RIPOR2: variants seen among roughly 807,000 people sequenced by gnomAD.
The protein encoded by RIPOR2 is rho family-interacting cell polarization regulator 2.
Under a neutral mutation model 114.5 loss-of-function variants are expected in RIPOR2, and 39 were observed. That is an observed-to-expected ratio of 0.34 (90% CI 0.26 to 0.44). The LOEUF (loss-of-function observed/expected upper bound fraction) is 0.44, where lower values mean the gene tolerates loss of function less well. Among genes scored for constraint, RIPOR2 ranks in the 20% least tolerant of loss-of-function variants. RIPOR2 has a pLI of 1.00. For missense variants in RIPOR2, 1,007 were observed against 1,255.1 expected, an observed-to-expected ratio of 0.80 and a Z score of 2.99; for synonymous variants, 445 against 484.4, an observed-to-expected ratio of 0.92 and a Z score of 1.07.
At chr6:24,997,916 C>T (rs899452933) in intron 1 of RIPOR2, among the ~76,000 whole-genome samples, 3 of 152,162 alleles carry the variant, frequency 2.0e-5, no homozygotes, top group Non-Finnish European at 4.4e-5. Context: ...AACTTTGCTT[C>T]GGTAAGTCCT....
chr6:24,929,132 T>C (rs1023863447), intron 1 of RIPOR2: 1 of 152,160 alleles, frequency 6.6e-6, no homozygotes, highest in African/African-American at 2.4e-5. Flanking sequence ...GGCTTTTGAT[T>C]GCTATCACAG....
chr6:24,852,219 G>A (rs1763027990), intron 9 of RIPOR2, among the ~76,000 whole-genome samples: 1 of 152,148 alleles, frequency 6.6e-6, no homozygotes, highest in South Asian at 2.1e-4. Flanking sequence ...CTGAGATCAT[G>A]CCACTGCACT....
intron 1 of RIPOR2, among the ~76,000 whole-genome samples, chr6:24,889,501 A>G (rs1415464812): frequency 6.6e-6 from 1 of 152,238 alleles, no homozygotes; most frequent in Non-Finnish European, 1.5e-5. Flanking sequence ...AAGGAAATTC[A>G]TAACACATAA....
intron 1 of RIPOR2, among the ~76,000 whole-genome samples, chr6:24,976,213 T>G (rs528097638): frequency 6.6e-6 from 1 of 152,306 alleles, no homozygotes; most frequent in East Asian, 1.9e-4. Flanking sequence ...TGGCATTATT[T>G]ATAATGACAA....
chr6:24,951,038 C>T (rs921612022), intron 1 of RIPOR2, among the ~76,000 whole-genome samples: 5 of 152,290 alleles, frequency 3.3e-5, no homozygotes, highest in Non-Finnish European at 4.4e-5. Flanking sequence ...ATGTTCCAGA[C>T]ATTTTAAAAA....
chr6:24,884,142 C>G (rs952128737), intron 1 of RIPOR2, among the ~76,000 whole-genome samples: 1 of 152,184 alleles, frequency 6.6e-6, no homozygotes, highest in African/African-American at 2.4e-5. Context: ...GGCACGGTGG[C>G]TCACGCCTGT....
At chr6:24,840,007 T>C in intron 13 of RIPOR2, 1 of 916,752 alleles carries the variant, frequency 1.1e-6, no homozygotes, top group Non-Finnish European at 1.3e-6. Context: ...TGGAGTGCAG[T>C]GGTGTGATCA....
At chr6:24,868,949 C>A in intron 6 of RIPOR2, 145 bp downstream of exon 6, 1 of 543,276 alleles carries the variant, frequency 1.8e-6, no homozygotes, top group Non-Finnish European at 3.4e-6. Flanking sequence ...TCTTTAGTGC[C>A]CACTTGATGA....
intron 1 of RIPOR2, among the ~76,000 whole-genome samples, chr6:24,989,734 A>G (rs567492513): frequency 1.3e-5 from 2 of 151,934 alleles, no homozygotes; most frequent in Non-Finnish European, 2.9e-5. Context: ...GGGTGTAGTT[A>G]TTTGCATAGG....
Position 24,953,377 on chromosome 6 carries a change from C to T in RIPOR2, c.77-77560G>A, listed in dbSNP as rs141660248. ...GTTAAATGAAATCATAAGTGTGGGG[C>T]CCTGATCTGATAAGATTAGTGTCCT... On this transcript the variant is annotated intron_variant, in intron 1 of 13. Transcript: ENST00000510784. Among the ~76,000 whole-genome samples, 274 of 152,170 alleles carry T rather than the reference C, an allele frequency of 1.8e-3. 2 individuals carry two copies. The highest frequency in any genetic ancestry group is 6.1e-3 in the African/African-American group (255 of 41,506).
At chr6:24,895,858 G>A (rs56913601) in intron 1 of RIPOR2, among the ~76,000 whole-genome samples, 2,347 of 152,244 alleles carry the variant, frequency 0.015, 47 homozygotes, top group African/African-American at 0.051. Context: ...GGGCGTGGTG[G>A]CGGGCACCTG....
At chr6:25,030,191 T>C (rs915283955) in intron 1 of RIPOR2, among the ~76,000 whole-genome samples, 3 of 152,130 alleles carry the variant, frequency 2.0e-5, no homozygotes, top group Admixed American at 6.5e-5. Flanking sequence ...GTACAGGTTG[T>C]ATAATCATAT....
At chr6:24,936,029 T>C (rs1361852602), upstream of RIPOR2, 11 of 639,804 alleles carry the variant, frequency 1.7e-5, no homozygotes, top group Non-Finnish European at 2.5e-5. Context: ...GCATCTGCCC[T>C]GAAGAAAGCA....
chr6:24,970,512 C>T (rs976268363), intron 1 of RIPOR2, among the ~76,000 whole-genome samples: 2 of 152,224 alleles, frequency 1.3e-5, no homozygotes, highest in African/African-American at 4.8e-5. Context: ...TCCAGGCCTA[C>T]TGAACTGGAC....
Position 24,825,278 on chromosome 6 carries a change from G to A in RIPOR2, c.2816C>T (p.Ala939Val). The A allele has an allele frequency of 6.4e-7, 1 of 1,551,624 alleles. No individual in the cohort carries two copies. The highest frequency in any genetic ancestry group is 2.4e-5 in the East Asian group (1 of 40,928). Reference sequence around the variant, plus strand: ...GGCTGCTGCCAAGTAAAGCGTCACAGCCTCACTAACTTCGTTGTCCTCTCT... The same window carrying A: ...GGCTGCTGCCAAGTAAAGCGTCACAACCTCACTAACTTCGTTGTCCTCTCT... ...LTREDNEVSE[A>V]VTLYLAAASK... The change falls in exon 19 of 22, where the codon GCT (alanine) becomes GTT (valine). Residue 939 changes from alanine (A) to valine (V), a missense_variant. Coordinates refer to ENST00000643898, the MANE Select transcript of RIPOR2 (RefSeq NM_001286445.3).
intron 1 of RIPOR2, among the ~76,000 whole-genome samples, chr6:24,894,784 T>C (rs1481560716): frequency 6.6e-6 from 1 of 152,176 alleles, no homozygotes; most frequent in Admixed American, 6.5e-5. Context: ...CAAGAATAAA[T>C]GGATAAATGG....
chr6:24,972,003 G>A (rs1392607356), intron 1 of RIPOR2, among the ~76,000 whole-genome samples: 8 of 151,952 alleles, frequency 5.3e-5, no homozygotes, highest in African/African-American at 1.9e-4. Context: ...TCATCAATAA[G>A]GGGCAAAAAA....
chr6:24,847,946 C>A, intron 12 of RIPOR2, 79 bp downstream of exon 12: 4 of 1,572,242 alleles, frequency 2.5e-6, no homozygotes, highest in Non-Finnish European at 2.6e-6. Flanking sequence ...CCAGCACTGT[C>A]TCTTAAGCAT....
Position 24,837,342 on chromosome 6 carries a change from C to T in RIPOR2, c.2040-1471G>A, listed in dbSNP as rs560586287. 1.7e-4 allele frequency among the ~76,000 whole-genome samples: 25 copies of T among 151,474 alleles called. No homozygotes were observed. In the South Asian group the frequency reaches 4.2e-3, roughly 25 times the overall value. ...TTCACCATGTTGATCAGGCTGGTCT[C>T]GAACTCTGACCTCAAGTGATTCACC... is the stretch of plus-strand genomic sequence containing the variant. On this transcript the variant is annotated intron_variant, in intron 14 of 21. Coordinates refer to ENST00000643898, the MANE Select transcript of RIPOR2 (RefSeq NM_001286445.3).
Sources: allele counts gnomAD v4.1 joint callset (sites outside exome capture counted in the v4.1 genomes callset), GRCh38; gene constraint gnomAD v4.1.1; transcripts MANE v1.5; gene names NCBI Gene and HGNC (gene_info 2026-07-23, HGNC 2026-07-21).